The following LAMB2 variants were observed in gnomAD, a reference collection of about 807,000 sequenced individuals.
LAMB2 encodes laminin subunit beta 2, also known as laminin subunit beta-2.
In LAMB2, 119 loss-of-function variants were observed where a neutral mutation model predicts 202.7. That is an observed-to-expected ratio of 0.59 (90% CI 0.51 to 0.68). The LOEUF (loss-of-function observed/expected upper bound fraction) is 0.68. Ranked by LOEUF, LAMB2 falls within the 30% of genes least tolerant of loss-of-function variation. The pLI is 0.00. For synonymous variants in LAMB2, 818 were observed against 902.2 expected (o/e 0.91, Z 1.67); for missense variants, 2,124 against 2,410.6 (o/e 0.88, Z 2.49).
Position 49,132,719 on chromosome 3 carries a change from A to T in LAMB2, c.77-56T>A. On this transcript the variant is annotated intron_variant, in intron 1 of 31. Transcript: ENST00000305544. The surrounding 1 kb of genome is among the most constrained non-coding windows in gnomAD (Gnocchi z 4.6). The stretch of plus-strand genomic sequence containing the variant: ...AGTTCCTATCCAGTGGCTCCACCTC[A>T]TGTGCCCCAAGGGCAACTACCAGGA... 1 of 1,613,726 alleles carries T rather than the reference A, an allele frequency of 6.2e-7. No individual in the cohort carries two copies. The highest frequency in any genetic ancestry group is 8.5e-7 in the Non-Finnish European group (1 of 1,179,688).
rs764262021 is a variant in LAMB2 at position 49,122,913 on chromosome 3, C to T, written c.4364G>A (p.Arg1455Gln). 11 of 1,609,134 alleles carry T rather than the reference C, an allele frequency of 6.8e-6. No individual in the cohort carries two copies. Among genetic ancestry groups the T allele is most frequent in the East Asian group, 6.7e-5 (3 of 44,886 alleles). ...CAGCTCTGCCTGTGTGTGCCGGGCCCGGCCCAGTGCTAGGTCTGCTGTAGC... is the reference window on the plus strand; with the variant it reads ...CAGCTCTGCCTGTGTGTGCCGGGCCTGGCCCAGTGCTAGGTCTGCTGTAGC... ...AAATADLALG[R>Q]ARHTQAELQR... Residue 1455 changes from arginine (R) to glutamine (Q), a missense_variant, in exon 27 of 32, where the codon CGG becomes CAG. Arg to Gln is a conservative substitution (Grantham distance 43, BLOSUM62 1). Transcript: ENST00000305544.
Position 49,121,681 on chromosome 3 carries a change from C to CCTGGGCACG in LAMB2, c.5100+2_5100+3insCGTGCCCAG. The CCTGGGCACG allele has an allele frequency of 6.2e-7, 1 of 1,614,128 alleles. No homozygotes were observed. The highest frequency in any genetic ancestry group is 8.5e-7 in the Non-Finnish European group (1 of 1,180,052). ...TTCTCCAGCTGGCTCTGCCTCAACC[C>CCTGGGCACG]ACCTGCTCAGCCTCCTGGGCACGAC... On this transcript the variant is annotated splice_region_variant and intron_variant, in intron 30 of 31. Coordinates refer to ENST00000305544, the MANE Select transcript of LAMB2 (RefSeq NM_002292.4).
Position 49,128,481 on chromosome 3 carries a change from T to C in LAMB2, c.1995A>G (p.Gln665=). 2 of 1,614,098 alleles carry C rather than the reference T, an allele frequency of 1.2e-6. No individual in the cohort carries two copies. The highest frequency in any genetic ancestry group is 1.7e-6 in the Non-Finnish European group (2 of 1,180,012). The change falls in exon 15 of 32, where the codon CAA becomes CAG. Residue 665 remains glutamine, a synonymous_variant. Coordinates refer to ENST00000305544, the MANE Select transcript of LAMB2 (RefSeq NM_002292.4). ...ACCTGGCATGTGGTTGCAGAGTCCC[T>C]TGGATGCGATCATCCTTGGGCACCA... ...GHLVPKDDRI[Q]GTLQPHARYL...
chr3:49,130,710 T>C lies in LAMB2; in HGVS notation c.1036+30A>G. On this transcript the variant is annotated intron_variant, in intron 8 of 31. Coordinates refer to ENST00000305544, the MANE Select transcript of LAMB2 (RefSeq NM_002292.4). The surrounding 1 kb of genome is among the most constrained non-coding windows in gnomAD (Gnocchi z 5.0). ...AGGGCACAGCCAGGCTGCAGAGTGC[T>C]GGAGCTATGGAGGCCAAGATCTCAC... 1 of 1,613,086 alleles carries C rather than the reference T, an allele frequency of 6.2e-7. No homozygotes were observed. Among genetic ancestry groups the C allele is most frequent in the Non-Finnish European group, 8.5e-7 (1 of 1,179,944 alleles).
In LAMB2 at chr3:49,121,320, C is replaced by T. The variant is rs1382136176; in HGVS notation, c.5303G>A (p.Ser1768Asn). 16 of 1,613,902 alleles carry T rather than the reference C, an allele frequency of 9.9e-6. No individual in the cohort carries two copies. The African/African-American group carries it at 2.1e-4, about 22-fold the overall frequency. Residue 1768 changes from serine (S) to asparagine (N), a missense_variant, in exon 32 of 32, where the codon AGT (serine) becomes AAT (asparagine). This residue lies in a region of LAMB2 where 1,702 missense variants were observed against 1,896.3 expected (regional missense o/e 0.90). Transcript: ENST00000305544. ...TYEENERALE[S>N]KAAQLDGLEA... ...CAACCCGTCCAACTGGGCTGCCTTA[C>T]TCTCCAGTGCCCGCTCATTTTCCTC...
rs1436529522 is a variant in LAMB2 at position 49,125,451 on chromosome 3, C to T, written c.2522G>A (p.Ser841Asn). The change falls in exon 19 of 32, where the codon AGT becomes AAT. Residue 841 changes from serine to asparagine, a missense_variant. Coordinates refer to ENST00000305544, the MANE Select transcript of LAMB2 (RefSeq NM_002292.4). ...TTGCCCACTGGTCTTTTCACAGAGA[C>T]TGCTGAGTGCCCCCTCGTGGCTGCA... ...CQCSHEGALS[S>N]LCEKTSGQCL... 6.2e-7 allele frequency: 1 copy of T among 1,611,404 alleles called. No individual in the cohort carries two copies. Among genetic ancestry groups the T allele is most frequent in the African/African-American group, 1.3e-5 (1 of 74,834 alleles).
rs1575535913 is a variant in LAMB2 at position 49,129,892 on chromosome 3, T to C, written c.1352A>G (p.Gln451Arg). 1 of 1,613,994 alleles carries C rather than the reference T, an allele frequency of 6.2e-7. No individual in the cohort carries two copies. The highest frequency in any genetic ancestry group is 1.7e-5 in the Admixed American group (1 of 60,026). ...KEHVVGTRCQ[Q>R]CRDGFFGLSI... Reference sequence around the variant, plus strand: ...GAGCCCAAAGAAGCCATCACGGCATTGCTGGCAGCGAGTGCCCACCACATG... The same window carrying C: ...GAGCCCAAAGAAGCCATCACGGCATCGCTGGCAGCGAGTGCCCACCACATG... The change falls in exon 10 of 32, where the codon CAA becomes CGA. Residue 451 changes from glutamine to arginine, a missense_variant. This residue lies in a region of LAMB2 where 1,702 missense variants were observed against 1,896.3 expected (regional missense o/e 0.90). Coordinates refer to ENST00000305544, the MANE Select transcript of LAMB2 (RefSeq NM_002292.4). The surrounding 1 kb of genome is among the most constrained non-coding windows in gnomAD (Gnocchi z 6.1).
Position 49,129,014 on chromosome 3 carries a change from C to G in LAMB2, c.1731+6G>C. 1 of 1,607,680 alleles carries G rather than the reference C, an allele frequency of 6.2e-7. No individual in the cohort carries two copies. The highest frequency in any genetic ancestry group is 1.7e-5 in the Admixed American group (1 of 60,024). Reference sequence around the variant, plus strand: ...CCAGCCCTCTGCTTAGGGGGAGGCCCCACACCTGCCCTCGGGTGTCCTCAG... The same window carrying G: ...CCAGCCCTCTGCTTAGGGGGAGGCCGCACACCTGCCCTCGGGTGTCCTCAG... On this transcript the variant is annotated splice_donor_region_variant and intron_variant, in intron 13 of 31. Transcript: ENST00000305544. This position sits in a 1 kb window ranked among gnomAD's most constrained non-coding sequence, Gnocchi z 6.1.
Position 49,122,747 on chromosome 3 carries a change from C to T in LAMB2, c.4530G>A (p.Gln1510=). Residue 1510 remains glutamine, a synonymous_variant, in exon 27 of 32, where the codon CAG becomes CAA. Coordinates refer to ENST00000305544, the MANE Select transcript of LAMB2 (RefSeq NM_002292.4). ...ASRGQVEQAN[Q]ELQELIQSVK... is the part of the protein sequence containing the mutation. ...CACTCTGGATAAGTTCTTGAAGTTC[C>T]TGGTTGGCCTGTTCCACCTGTCCCC... 1 of 1,614,148 alleles carries T rather than the reference C, an allele frequency of 6.2e-7. No homozygotes were observed. The highest frequency in any genetic ancestry group is 8.5e-7 in the Non-Finnish European group (1 of 1,180,010).
At chr3:49,125,725 G>A in intron 18 of LAMB2, 22 bp downstream of exon 18, 3 of 1,611,602 alleles carry the variant, frequency 1.9e-6, no homozygotes, top group Middle Eastern at 1.7e-4. Flanking sequence ...AGCATAGGAG[G>A]GAACAAGGGG....
chr3:49,126,557 G>A, intron 15 of LAMB2, 60 bp from the exon 16 acceptor site: 1 of 1,606,430 alleles, frequency 6.2e-7, no homozygotes, highest in South Asian at 1.1e-5. Context: ...AAATCATCTG[G>A]GCCTCCCCCA....
chr3:49,132,728 A>G lies in LAMB2; in HGVS notation c.76+64T>C, dbSNP rs2107645898. The G allele has an allele frequency of 6.2e-7, 1 of 1,612,760 alleles. No individual in the cohort carries two copies. The highest frequency in any genetic ancestry group is 1.7e-5 in the Admixed American group (1 of 59,998). On this transcript the variant is annotated intron_variant, in intron 1 of 31. Coordinates refer to ENST00000305544, the MANE Select transcript of LAMB2 (RefSeq NM_002292.4). The surrounding 1 kb of genome is among the most constrained non-coding windows in gnomAD (Gnocchi z 4.6). ...CCAGTGGCTCCACCTCATGTGCCCC[A>G]AGGGCAACTACCAGGACCTACCATC...
Position 49,129,533 on chromosome 3 carries a change from G to A in LAMB2, c.1518+71C>T, listed in dbSNP as rs993135203. On this transcript the variant is annotated intron_variant, in intron 11 of 31. Transcript: ENST00000305544. This position sits in a 1 kb window ranked among gnomAD's most constrained non-coding sequence, Gnocchi z 6.1. ...CTCTCAGCACCCACCCACTGGCATA[G>A]ATGTGACACCCCAGCCCTGTGCTCT... is the stretch of plus-strand genomic sequence containing the variant. 7.6e-6 allele frequency: 10 copies of A among 1,315,196 alleles called. No individual in the cohort carries two copies. Among genetic ancestry groups the A allele is most frequent in the Non-Finnish European group, 1.1e-5 (10 of 917,414 alleles). 81.5% of individuals were successfully genotyped at this position (1,315,196 alleles called of 1,614,324 possible). A position where few individuals can be genotyped will look rare whatever the true frequency, so the allele number is the denominator to read the frequency against.
At position 49,132,176 on chromosome 3, in the gene LAMB2, G is replaced by A. The variant is rs1385012794; in HGVS notation, c.399C>T (p.Val133=). 12 of 1,614,160 alleles carry A rather than the reference G, an allele frequency of 7.4e-6. No individual in the cohort carries two copies. The highest frequency in any genetic ancestry group is 1.1e-5 in the South Asian group (1 of 91,058). ...CAGCCTCCAGGTCCAGCTGGATGGT[G>A]ACCGCAGGGATACCTGGGACAGGAA... ...WWQSENGIPA[V]TIQLDLEAEF... Residue 133 remains valine (V), a synonymous_variant, in exon 4 of 32, where the codon GTC becomes GTT. Coordinates refer to ENST00000305544, the MANE Select transcript of LAMB2 (RefSeq NM_002292.4). This position sits in a 1 kb window ranked among gnomAD's most constrained non-coding sequence, Gnocchi z 4.6.
chr3:49,131,608 G>A lies in LAMB2; in HGVS notation c.575C>T (p.Ala192Val). 6.2e-7 allele frequency: 1 copy of A among 1,613,876 alleles called. No homozygotes were observed. Among genetic ancestry groups the A allele is most frequent in the Non-Finnish European group, 8.5e-7 (1 of 1,180,026 alleles). Residue 192 changes from alanine to valine, a missense_variant, in exon 5 of 32, where the codon GCA becomes GTA. Ala to Val is a moderately conservative substitution (Grantham distance 64). Around this residue, in one of 3 missense-constraint regions of LAMB2, gnomAD observed 256 missense variants for 356.1 expected, o/e 0.72. Coordinates refer to ENST00000305544, the MANE Select transcript of LAMB2 (RefSeq NM_002292.4). This position sits in a 1 kb window ranked among gnomAD's most constrained non-coding sequence, Gnocchi z 5.0. ...CGADFPGVPL[A>V]PPRHWDDVVC... is the part of the protein sequence containing the mutation. ...TACATCATCCCAGTGCCGTGGGGGT[G>A]CTAGTGGGACTCCTGGGAAGTCAGC... is the stretch of plus-strand genomic sequence containing the variant.
rs773088582 is a variant in LAMB2, at chr3:49,122,073, CT to C, written c.4793del (p.Glu1598GlyfsTer56). On this transcript the variant is annotated frameshift_variant, in exon 29 of 32. Coordinates refer to ENST00000305544, the MANE Select transcript of LAMB2 (RefSeq NM_002292.4). LOFTEE classifies it high-confidence loss of function. Reference sequence around the variant, plus strand: ...CTGTCTCTGCCTTCTGTTTCTCATCCTCAGCCCAGCTCCTGGGGAGAAGGGG... The same window carrying C: ...CTGTCTCTGCCTTCTGTTTCTCATCCCAGCCCAGCTCCTGGGGAGAAGGGG... ...QDARRARSWA[E>X]DEKQKAETVQ... 1.2e-6 allele frequency: 2 copies of C among 1,613,488 alleles called. No homozygotes were observed. The highest frequency in any genetic ancestry group is 1.7e-6 in the Non-Finnish European group (2 of 1,180,034).
At position 49,125,755 on chromosome 3, in the gene LAMB2, C is replaced by T. The variant is rs774709354; in HGVS notation, c.2480G>A (p.Gly827Asp). The T allele has an allele frequency of 7.4e-6, 12 of 1,613,944 alleles. No homozygotes were observed. The highest frequency in any genetic ancestry group is 8.5e-6 in the Non-Finnish European group (10 of 1,179,918). ...AAGGGGCAGAAGAGTACCTTGACAG[C>T]CTGTGGGGCCAAAGCCATAGTAGCC... ...APGYYGFGPTGCQACQCSHEG... is the reference protein window; with the variant it reads ...APGYYGFGPTDCQACQCSHEG... The change falls in exon 18 of 32, where the codon GGC (glycine) becomes GAC (aspartate). Residue 827 changes from glycine to aspartate, a missense_variant. By Grantham distance (94) the Gly-to-Asp change is moderately conservative. Around this residue, in one of 3 missense-constraint regions of LAMB2, gnomAD observed 1,702 missense variants for 1,896.3 expected, o/e 0.90. Transcript: ENST00000305544.
chr3:49,127,678 G>C (rs552271209), intron 15 of LAMB2, among the ~76,000 whole-genome samples: 2 of 149,544 alleles, frequency 1.3e-5, no homozygotes, highest in East Asian at 2.0e-4. Flanking sequence ...CTGGGCGACA[G>C]AGCAAGACTC....
Position 49,130,421 on chromosome 3 carries a change from T to TGGCAGGGGAGGAAG in LAMB2, c.1037-16_1037-3dup, listed in dbSNP as rs777466288. 2.5e-6 allele frequency: 4 copies of TGGCAGGGGAGGAAG among 1,613,966 alleles called. No individual in the cohort carries two copies. The South Asian group carries it at 4.4e-5, about 18-fold the overall frequency. On this transcript the variant is annotated splice_region_variant and splice_polypyrimidine_tract_variant and intron_variant, in intron 8 of 31. Transcript: ENST00000305544. This position sits in a 1 kb window ranked among gnomAD's most constrained non-coding sequence, Gnocchi z 5.0. ...GGGTGTGCCCATGGCACTCACACTC[T>TGGCAGGGGAGGAAG]GGCAGGGGAGGAAGGGCAGGGCAAA...
Sources: gnomAD v4.1 joint callset for allele counts (sites outside exome capture counted in the v4.1 genomes callset) on GRCh38, gnomAD v4.1.1 for gene constraint, gnomAD v4.1.1 regional missense constraint, Gnocchi (gnomAD v3.1) non-coding constraint, MANE v1.5 for transcripts, NCBI Gene and HGNC (gene_info 2026-07-23, HGNC 2026-07-21) for gene names.